MAD1L1: variants seen among roughly 807,000 people sequenced by gnomAD.
The protein encoded by MAD1L1 is mitotic spindle assembly checkpoint protein MAD1.
MAD1L1 carries 95 observed loss-of-function variants against 96.9 expected under a neutral mutation model. That is an observed-to-expected ratio of 0.98 (90% confidence interval 0.83 to 1.16). The LOEUF (loss-of-function observed/expected upper bound fraction) is 1.16, where lower values mean the gene tolerates loss of function less well. Among genes scored for constraint, MAD1L1 ranks in the 50% most tolerant of loss-of-function variants. The pLI is 0.00. For missense variants in MAD1L1, 1,007 were observed against 954.4 expected (o/e 1.06, Z -0.73); for synonymous variants, 473 against 396.6 (o/e 1.19, Z -2.29).
intron 17 of MAD1L1, among the ~76,000 whole-genome samples, chr7:1,928,313 C>T (rs954997839): frequency 2.0e-5 from 3 of 151,570 alleles, no homozygotes; most frequent in African/African-American, 4.9e-5. Context: ...CTGCTCCCGA[C>T]GACCCGCCGG....
At chr7:1,926,160 A>G (rs1322985738) in intron 17 of MAD1L1, among the ~76,000 whole-genome samples, 1 of 152,252 alleles carries the variant, frequency 6.6e-6, no homozygotes, top group African/African-American at 2.4e-5. Flanking sequence ...TCACAGATAT[A>G]ATGAACCAGT....
intron 17 of MAD1L1, among the ~76,000 whole-genome samples, chr7:1,900,102 G>A (rs1348714632): frequency 6.6e-6 from 1 of 152,160 alleles, no homozygotes; most frequent in Admixed American, 6.5e-5. Context: ...ACCCCCGATG[G>A]CGTGAGCTCA....
At chr7:1,955,054 C>T (rs11972209) in intron 16 of MAD1L1, among the ~76,000 whole-genome samples, 16,286 of 152,224 alleles carry the variant, frequency 0.11, 1,464 homozygotes, top group African/African-American at 0.23. Flanking sequence ...CTCAGCACCG[C>T]GGGAGGGCAG....
At chr7:1,888,279 C>T (rs1200002059) in intron 18 of MAD1L1, among the ~76,000 whole-genome samples, 1 of 120,910 alleles carries the variant, frequency 8.3e-6, no homozygotes, top group Non-Finnish European at 1.8e-5. Context: ...GCTGCCTGTG[C>T]ATGTGTGTGC....
intron 18 of MAD1L1, among the ~76,000 whole-genome samples, chr7:1,827,609 G>C (rs1158800574): frequency 3.6e-5 from 4 of 110,304 alleles, no homozygotes; most frequent in Admixed American, 8.1e-5. Flanking sequence ...CCGGGTGTGG[G>C]GTCCTCCCCT....
intron 14 of MAD1L1, among the ~76,000 whole-genome samples, chr7:1,986,623 G>A (rs1781163905): frequency 6.6e-6 from 1 of 151,948 alleles, no homozygotes; most frequent in African/African-American, 2.4e-5. Context: ...TCTGCTCACT[G>A]CGTCTGCTCA....
intron 11 of MAD1L1, among the ~76,000 whole-genome samples, chr7:2,083,378 A>T (rs1785750262): frequency 6.6e-6 from 1 of 152,170 alleles, no homozygotes; most frequent in Non-Finnish European, 1.5e-5. Context: ...CTTGAACTTT[A>T]AGAACTGACA....
At chr7:2,105,908 G>C (rs1215760445) in intron 11 of MAD1L1, among the ~76,000 whole-genome samples, 1 of 151,990 alleles carries the variant, frequency 6.6e-6, no homozygotes, top group East Asian at 1.9e-4. Flanking sequence ...ACACCTTCTG[G>C]AGCACAGTCC....
intron 12 of MAD1L1, among the ~76,000 whole-genome samples, chr7:2,053,883 G>T (rs1784286516): frequency 6.6e-6 from 1 of 152,248 alleles, no homozygotes; most frequent in Non-Finnish European, 1.5e-5. Flanking sequence ...CCCGATTCTA[G>T]CCACCCTCAA....
At chr7:1,825,968 T>C (rs926387370) in intron 18 of MAD1L1, among the ~76,000 whole-genome samples, 4 of 151,960 alleles carry the variant, frequency 2.6e-5, no homozygotes, top group African/African-American at 9.7e-5. Context: ...AGCCCCAGGG[T>C]TGGAGGTCGG....
intron 18 of MAD1L1, among the ~76,000 whole-genome samples, chr7:1,828,723 G>GCACACGCACACATGCACACATGCA (rs1782554986): frequency 6.9e-6 from 1 of 144,812 alleles, no homozygotes; most frequent in South Asian, 2.4e-4. Flanking sequence ...GCATGCACAG[G>GCACACGCACACATGCACACATGCA]CACACGCACA....
At chr7:2,051,561 G>A (rs1415388199) in intron 12 of MAD1L1, among the ~76,000 whole-genome samples, 2 of 152,116 alleles carry the variant, frequency 1.3e-5, no homozygotes, top group Non-Finnish European at 2.9e-5. Context: ...GAAAAGCCCA[G>A]GAACGAGACA....
At chr7:1,918,807 TGAG>T (rs1456562790) in intron 17 of MAD1L1, among the ~76,000 whole-genome samples, 1 of 152,202 alleles carries the variant, frequency 6.6e-6, no homozygotes, top group Non-Finnish European at 1.5e-5. Context: ...TGGGCCCACC[TGAG>T]GAGACCACAG....
chr7:2,187,252 G>A (rs1791505922), intron 10 of MAD1L1, among the ~76,000 whole-genome samples: 1 of 152,036 alleles, frequency 6.6e-6, no homozygotes, highest in South Asian at 2.1e-4. Context: ...GGGAGGCTGA[G>A]GTGGGAGAAT....
intron 18 of MAD1L1, among the ~76,000 whole-genome samples, chr7:1,873,764 C>T (rs1785232905): frequency 6.6e-6 from 1 of 151,898 alleles, no homozygotes. Flanking sequence ...CCCACCGAAG[C>T]CCAAGCTGGC....
At chr7:1,906,725 G>A (rs974863019) in intron 17 of MAD1L1, among the ~76,000 whole-genome samples, 9 of 152,346 alleles carry the variant, frequency 5.9e-5, no homozygotes, top group Middle Eastern at 3.4e-3. Context: ...CTGAGAACCC[G>A]GAACATGGAA....
intron 18 of MAD1L1, among the ~76,000 whole-genome samples, chr7:1,867,421 G>A (rs1319855413): frequency 6.6e-6 from 1 of 152,248 alleles, no homozygotes; most frequent in Non-Finnish European, 1.5e-5. Flanking sequence ...AGGTCTGGAT[G>A]AGGCGGTGGC....
intron 12 of MAD1L1, among the ~76,000 whole-genome samples, chr7:2,049,282 C>G (rs868812544): frequency 1.3e-5 from 2 of 152,174 alleles, no homozygotes; most frequent in Admixed American, 6.5e-5. Flanking sequence ...GCTTCCTCCC[C>G]CTAGAAGAGA....
At chr7:2,090,945 C>T (rs1584296185) in intron 11 of MAD1L1, among the ~76,000 whole-genome samples, 1 of 152,324 alleles carries the variant, frequency 6.6e-6, no homozygotes, top group East Asian at 1.9e-4. Context: ...ATCTGCAATC[C>T]TTCCGGAGGG....
Sources: gnomAD v4.1 joint callset for allele counts (sites outside exome capture counted in the v4.1 genomes callset) on GRCh38, gnomAD v4.1.1 for gene constraint, MANE v1.5 for transcripts, NCBI Gene and HGNC (gene_info 2026-07-23, HGNC 2026-07-21) for gene names.